Variants in ATP2B2 observed in about 807,000 individuals in gnomAD.
The protein encoded by ATP2B2 is ATPase plasma membrane Ca2+ transporting 2, also known as plasma membrane calcium-transporting ATPase 2.
In ATP2B2, 15 loss-of-function variants were observed where a neutral mutation model predicts 120.0. That is an observed-to-expected ratio of 0.12 (90% CI 0.08 to 0.19). ATP2B2 has a LOEUF of 0.19. Ranked by LOEUF, ATP2B2 falls within the 10% of genes least tolerant of loss-of-function variation. The probability of loss-of-function intolerance (pLI) is 1.00; values close to 1 mark genes in which losing one functional copy is unlikely to be tolerated. For missense variants in ATP2B2, 1,045 were observed against 1,719.8 expected (o/e 0.61, Z 6.94); for synonymous variants, 694 against 700.3 (o/e 0.99, Z 0.14).
At chr3:10,639,992 G>A (rs1285488528) in intron 1 of ATP2B2, among the ~76,000 whole-genome samples, 1 of 152,120 alleles carries the variant, frequency 6.6e-6, no homozygotes, top group Non-Finnish European at 1.5e-5. Flanking sequence ...AGGCTTTCTT[G>A]GGTACTATTG....
At chr3:10,401,152 C>T (rs997389170) in intron 4 of ATP2B2, 74 bp from the exon 5 acceptor site, 49 of 1,579,156 alleles carry the variant, frequency 3.1e-5, no homozygotes, top group African/African-American at 1.1e-4. Context: ...CTTAAAGGTG[C>T]GATTACCAGG....
chr3:10,601,059 G>A (rs1042984498), intron 2 of ATP2B2, among the ~76,000 whole-genome samples: 3 of 152,304 alleles, frequency 2.0e-5, no homozygotes, highest in Admixed American at 6.5e-5. Flanking sequence ...AGACCCCTGT[G>A]GGTCTGTGAG....
intron 1 of ATP2B2, among the ~76,000 whole-genome samples, chr3:10,640,141 C>T (rs1422832012): frequency 6.6e-5 from 10 of 152,114 alleles, no homozygotes; most frequent in South Asian, 6.2e-4. Flanking sequence ...CTTGTACTGA[C>T]GAGGAGATTG....
At chr3:10,590,857 G>T (rs1559474644) in intron 2 of ATP2B2, among the ~76,000 whole-genome samples, 1 of 152,128 alleles carries the variant, frequency 6.6e-6, no homozygotes, top group East Asian at 1.9e-4. Context: ...AGCTGTTCAT[G>T]TCCACTGACA....
intron 1 of ATP2B2, among the ~76,000 whole-genome samples, chr3:10,485,011 A>T (rs923313156): frequency 1.4e-4 from 22 of 152,156 alleles, no homozygotes; most frequent in African/African-American, 5.3e-4. Context: ...AGCTGACCTG[A>T]CGCAGACCCC....
intron 2 of ATP2B2, among the ~76,000 whole-genome samples, chr3:10,596,465 G>A (rs1214182945): frequency 1.3e-5 from 2 of 152,184 alleles, no homozygotes; most frequent in African/African-American, 4.8e-5. Context: ...TGTCTTCAAT[G>A]TGTCTCTGAT....
intron 2 of ATP2B2, among the ~76,000 whole-genome samples, chr3:10,618,622 C>T (rs1407153389): frequency 1.3e-5 from 2 of 152,162 alleles, no homozygotes; most frequent in African/African-American, 2.4e-5. Flanking sequence ...CCCAGCATCA[C>T]CTTTTGCTTT....
intron 5 of ATP2B2, among the ~76,000 whole-genome samples, chr3:10,394,995 T>C (rs1287273348): frequency 1.3e-5 from 2 of 152,068 alleles, no homozygotes; most frequent in Admixed American, 1.3e-4. Context: ...AGAGCTGGGG[T>C]CTGGCTTCCG....
intron 16 of ATP2B2, among the ~76,000 whole-genome samples, chr3:10,349,486 G>A (rs958978043): frequency 2.0e-5 from 3 of 151,900 alleles, no homozygotes; most frequent in Non-Finnish European, 2.9e-5. Flanking sequence ...AAAATAAAAA[G>A]TGCCCAGGAC....
chr3:10,501,250 G>A (rs192587280), intron 1 of ATP2B2, among the ~76,000 whole-genome samples: 182 of 152,224 alleles, frequency 1.2e-3, no homozygotes, highest in Non-Finnish European at 1.9e-3. Context: ...CGTCACTCCC[G>A]CTTCCCCCTG....
intron 3 of ATP2B2, among the ~76,000 whole-genome samples, chr3:10,522,262 G>T (rs879080602): frequency 6.6e-6 from 1 of 152,094 alleles, no homozygotes; most frequent in Admixed American, 6.5e-5. Flanking sequence ...CGTGTGTATT[G>T]CCTTTTCTCA....
chr3:10,642,535 A>C (rs763824703), intron 1 of ATP2B2, among the ~76,000 whole-genome samples: 4 of 152,162 alleles, frequency 2.6e-5, no homozygotes, highest in African/African-American at 9.7e-5. Flanking sequence ...GTACACCCAC[A>C]CACGTACACA....
chr3:10,567,902 T>C (rs1464275855), intron 2 of ATP2B2, among the ~76,000 whole-genome samples: 1 of 152,208 alleles, frequency 6.6e-6, no homozygotes. Context: ...GGTCAAACTG[T>C]ACCGATAGGG....
intron 13 of ATP2B2, 84 bp downstream of exon 13, chr3:10,359,798 C>CG: frequency 1.3e-6 from 2 of 1,583,048 alleles, no homozygotes; most frequent in Non-Finnish European, 1.7e-6. Flanking sequence ...GCCTGGATGG[C>CG]GGCCAGTGCT....
chr3:10,556,221 C>T (rs994591365), intron 2 of ATP2B2, among the ~76,000 whole-genome samples: 4 of 152,280 alleles, frequency 2.6e-5, no homozygotes, highest in African/African-American at 7.2e-5. Context: ...TTATGACAGG[C>T]AGTGCTCACG....
chr3:10,624,301 C>T (rs995222795), intron 1 of ATP2B2, among the ~76,000 whole-genome samples: 1 of 152,188 alleles, frequency 6.6e-6, no homozygotes, highest in Admixed American at 6.5e-5. Flanking sequence ...AATTTCACCC[C>T]CTCAGTAACT....
At chr3:10,361,935 T>C (rs1360654677) in intron 12 of ATP2B2, among the ~76,000 whole-genome samples, 1 of 152,104 alleles carries the variant, frequency 6.6e-6, no homozygotes, top group Admixed American at 6.5e-5. Context: ...GATGCCTCCA[T>C]ATGGGCACTG....
At chr3:10,683,034 T>C (rs2071419718) in intron 1 of ATP2B2, among the ~76,000 whole-genome samples, 1 of 152,138 alleles carries the variant, frequency 6.6e-6, no homozygotes, top group African/African-American at 2.4e-5. Flanking sequence ...TGGATACTAA[T>C]AATAATCATG....
intron 1 of ATP2B2, among the ~76,000 whole-genome samples, chr3:10,464,028 C>T (rs1006228591): frequency 9.2e-5 from 14 of 152,162 alleles, no homozygotes; most frequent in Non-Finnish European, 1.5e-4. Context: ...GACCCCAGAC[C>T]CTGGAACCCC....
Sources: allele counts gnomAD v4.1 joint callset (sites outside exome capture counted in the v4.1 genomes callset), GRCh38; gene constraint gnomAD v4.1.1; transcripts MANE v1.5; gene names NCBI Gene and HGNC (gene_info 2026-07-23, HGNC 2026-07-21).